MRPL54: variants seen among roughly 807,000 people sequenced by gnomAD.
The protein encoded by MRPL54 is mitochondrial ribosomal protein L54.
A neutral mutation model predicts 15.6 loss-of-function variants in MRPL54; 12 were observed. The ratio of observed to expected loss-of-function variants is 0.77; its 90% CI spans 0.49 to 1.24. The LOEUF is 1.24. Among genes scored for constraint, MRPL54 ranks in the 50% most tolerant of loss-of-function variants. The pLI, the probability that MRPL54 is intolerant of heterozygous loss-of-function variation, is 0.00. For missense variants in MRPL54, 178 were observed against 186.8 expected (o/e 0.95, Z 0.28); for synonymous variants, 91 against 75.7 (o/e 1.20, Z -1.05).
chr19:3,766,397 A>G (rs187095514), intron 2 of MRPL54, among the ~76,000 whole-genome samples: 1 of 152,220 alleles, frequency 6.6e-6, no homozygotes, highest in Non-Finnish European at 1.5e-5. Flanking sequence ...TATTTTTAGT[A>G]GAGACAGGGT....
chr19:3,767,448 AGGACGT>A lies in MRPL54; in HGVS notation c.*60_*65del. The A allele has an allele frequency of 6.3e-7, 1 of 1,592,410 alleles. No individual in the cohort carries two copies. The highest frequency in any genetic ancestry group is 8.5e-7 in the Non-Finnish European group (1 of 1,173,698). On this transcript the variant is annotated 3_prime_UTR_variant, in exon 3 of 3. Transcript: ENST00000330133. ...CGCCGAGGGCTTGCCGTTTTCCCGG[AGGACGT>A]GGACTTTTGTGAGACAAGAGGCGGC...
chr19:3,765,647 C>T (rs1568398584), intron 2 of MRPL54, among the ~76,000 whole-genome samples: 1 of 152,014 alleles, frequency 6.6e-6, no homozygotes, highest in Non-Finnish European at 1.5e-5. Flanking sequence ...ACCTGTAATC[C>T]CAGCACTTTG....
chr19:3,764,468 T>A (rs1355388820), intron 1 of MRPL54, among the ~76,000 whole-genome samples: 2 of 146,372 alleles, frequency 1.4e-5, no homozygotes, highest in Non-Finnish European at 3.0e-5. Flanking sequence ...AGTGCAGCGA[T>A]GCGATCTCAG....
At chr19:3,766,839 G>A (rs1442636896) in intron 2 of MRPL54, among the ~76,000 whole-genome samples, 5 of 152,228 alleles carry the variant, frequency 3.3e-5, no homozygotes, top group African/African-American at 1.2e-4. Context: ...TGTGCTGGAG[G>A]AACAGCGGGG....
Position 3,762,931 on chromosome 19 carries a change from G to A in MRPL54, c.118+113G>A, listed in dbSNP as rs11881165. 7.1e-3 allele frequency: 6,163 copies of A among 870,344 alleles called. 223 individuals are homozygous for A. The African/African-American group carries it at 0.093, about 13-fold the overall frequency. The allele number at this position is 870,344 out of a possible 1,614,324, so 53.9% of individuals were successfully genotyped here. On this transcript the variant is annotated intron_variant, in intron 1 of 2. Transcript: ENST00000330133. The stretch of plus-strand genomic sequence containing the variant: ...AGAACTGATGCGCAAGCGCAGAGAG[G>A]CGGATGCCAGGCTGTATGCGCAGGC...
chr19:3,765,797 C>T (rs2037192647), intron 2 of MRPL54, among the ~76,000 whole-genome samples: 1 of 150,650 alleles, frequency 6.6e-6, no homozygotes, highest in South Asian at 2.1e-4. Flanking sequence ...ACTTGGGAGG[C>T]TGAGGCACGA....
At chr19:3,763,528 A>T (rs1235082135) in intron 1 of MRPL54, among the ~76,000 whole-genome samples, 1 of 151,864 alleles carries the variant, frequency 6.6e-6, no homozygotes, top group Non-Finnish European at 1.5e-5. Context: ...TATTCCCGGC[A>T]CTTTGGGAAG....
intron 1 of MRPL54, among the ~76,000 whole-genome samples, chr19:3,763,912 A>AAAAT (rs1478772489): frequency 2.3e-4 from 34 of 150,126 alleles, no homozygotes; most frequent in South Asian, 1.5e-3. Context: ...ACTCTGTCTC[A>AAAAT]AAATAAATAA....
chr19:3,763,414 G>A (rs1007845462), intron 1 of MRPL54, among the ~76,000 whole-genome samples: 7 of 152,040 alleles, frequency 4.6e-5, no homozygotes, highest in African/African-American at 9.7e-5. Context: ...TCCAAGCATC[G>A]GTGTTACTTA....
chr19:3,767,515 G>C lies in MRPL54; in HGVS notation c.*122G>C. 3 of 1,366,134 alleles carry C rather than the reference G, an allele frequency of 2.2e-6. No homozygotes were observed. Among genetic ancestry groups the C allele is most frequent in the Non-Finnish European group, 3.0e-6 (3 of 1,009,702 alleles). 84.6% of individuals were successfully genotyped at this position (1,366,134 alleles called of 1,614,324 possible). On this transcript the variant is annotated 3_prime_UTR_variant, in exon 3 of 3. Coordinates refer to ENST00000330133, the MANE Select transcript of MRPL54 (RefSeq NM_172251.3). ...GGGTTTCCATGTGACCCCACAGTGG[G>C]GCTGGACCAGGGCCCTGGAGGCCAA... is the stretch of plus-strand genomic sequence containing the variant.
At chr19:3,766,223 G>C (rs2368924) in intron 2 of MRPL54, among the ~76,000 whole-genome samples, 1 of 151,688 alleles carries the variant, frequency 6.6e-6, no homozygotes, top group Non-Finnish European at 1.5e-5. Flanking sequence ...GATTACAGGT[G>C]CCCGCCGTCA....
intron 2 of MRPL54, among the ~76,000 whole-genome samples, chr19:3,765,960 G>A (rs1410271756): frequency 2.0e-5 from 3 of 151,624 alleles, no homozygotes; most frequent in Admixed American, 6.6e-5. Flanking sequence ...CACCCAGTGT[G>A]GAATGCAGTC....
chr19:3,765,164 A>C lies in MRPL54; in HGVS notation c.119-2A>C. ...AAATGACTCTCCCTCTCGTCTCCCCAGTTATGAAGGGGGCCAAATCGGGAA... is the reference window on the plus strand; with the variant it reads ...AAATGACTCTCCCTCTCGTCTCCCCCGTTATGAAGGGGGCCAAATCGGGAA... On this transcript the variant is annotated splice_acceptor_variant, in intron 1 of 2. Coordinates refer to ENST00000330133, the MANE Select transcript of MRPL54 (RefSeq NM_172251.3). LOFTEE classifies it high-confidence loss of function. The C allele has an allele frequency of 6.2e-7, 1 of 1,608,354 alleles. No individual in the cohort carries two copies. The highest frequency in any genetic ancestry group is 8.5e-7 in the Non-Finnish European group (1 of 1,177,362).
At chr19:3,766,386 G>A (rs1490536790) in intron 2 of MRPL54, among the ~76,000 whole-genome samples, 2 of 151,766 alleles carry the variant, frequency 1.3e-5, no homozygotes, top group Non-Finnish European at 2.9e-5. Context: ...GCCTAATTTT[G>A]TATTTTTAGT....
rs190291306 is a variant in MRPL54, at chr19:3,762,975, C to A, written c.118+157C>A. Among the ~76,000 whole-genome samples the A allele has an allele frequency of 2.0e-5, 3 of 152,344 alleles. No homozygotes were observed. In the South Asian group the frequency reaches 6.2e-4, roughly 32 times the overall value. ...CGCAGGCGCAGTTTGAGGGACCCAGCGCCGCTTGGAGCTCGGGCGTCTGGC... is the reference window on the plus strand; with the variant it reads ...CGCAGGCGCAGTTTGAGGGACCCAGAGCCGCTTGGAGCTCGGGCGTCTGGC... On this transcript the variant is annotated intron_variant, in intron 1 of 2. Coordinates refer to ENST00000330133, the MANE Select transcript of MRPL54 (RefSeq NM_172251.3).
chr19:3,767,436 C>T lies in MRPL54; in HGVS notation c.*43C>T, dbSNP rs1352170021. ...CGCTGACCCCCACGCCGAGGGCTTG[C>T]CGTTTTCCCGGAGGACGTGGACTTT... On this transcript the variant is annotated 3_prime_UTR_variant, in exon 3 of 3. Coordinates refer to ENST00000330133, the MANE Select transcript of MRPL54 (RefSeq NM_172251.3). The T allele has an allele frequency of 1.9e-6, 3 of 1,592,888 alleles. No homozygotes were observed. Among genetic ancestry groups the T allele is most frequent in the Non-Finnish European group, 2.6e-6 (3 of 1,173,794 alleles).
chr19:3,763,719 C>T (rs2037173422), intron 1 of MRPL54, among the ~76,000 whole-genome samples: 1 of 152,068 alleles, frequency 6.6e-6, no homozygotes, highest in African/African-American at 2.4e-5. Context: ...CAAGATCAGC[C>T]TGACCAACAT....
At chr19:3,765,044 A>C in intron 1 of MRPL54, 122 bp from the exon 2 acceptor site, 2 of 1,004,332 alleles carry the variant, frequency 2.0e-6, no homozygotes, top group South Asian at 3.9e-5. Flanking sequence ...AAAAAAAAGA[A>C]AGTTTTGAGT....
chr19:3,763,867 A>G (rs2037174289), intron 1 of MRPL54, among the ~76,000 whole-genome samples: 1 of 151,324 alleles, frequency 6.6e-6, no homozygotes, highest in African/African-American at 2.4e-5. Context: ...AGCCGAGATC[A>G]CGCCACTGCA....
Sources: allele counts gnomAD v4.1 joint callset (sites outside exome capture counted in the v4.1 genomes callset), GRCh38; gene constraint gnomAD v4.1.1; transcripts MANE v1.5; gene names NCBI Gene and HGNC (gene_info 2026-07-23, HGNC 2026-07-21).